The following BTBD16 variants were observed in gnomAD, a reference collection of about 807,000 sequenced individuals.
BTBD16 encodes BTB/POZ domain-containing protein 16.
In BTBD16, 66 loss-of-function variants were observed where a neutral mutation model predicts 67.4. That is an observed-to-expected ratio of 0.98 (90% CI 0.80 to 1.20). The LOEUF is 1.20. Among genes scored for constraint, BTBD16 ranks in the 50% most tolerant of loss-of-function variants. BTBD16 has a pLI of 0.00. For synonymous variants in BTBD16, 242 were observed against 236.4 expected, an observed-to-expected ratio of 1.02 and a Z score of -0.22; for missense variants, 634 against 616.0, an observed-to-expected ratio of 1.03 and a Z score of -0.31.
chr10:122,332,057 C>T (rs3887220), intron 12 of BTBD16: 116,449 of 183,132 alleles, frequency 0.64, 38,415 homozygotes, highest in East Asian at 0.96. Flanking sequence ...CCGCTGCCAA[C>T]GTCATCCTCT....
intron 10 of BTBD16, among the ~76,000 whole-genome samples, chr10:122,324,505 A>C (rs1162290005): frequency 6.6e-6 from 1 of 152,226 alleles, no homozygotes; most frequent in Non-Finnish European, 1.5e-5. Flanking sequence ...GAAACTGGGC[A>C]ACCCTGGTGT....
At chr10:122,329,312 A>G (rs1310359689) in intron 10 of BTBD16, among the ~76,000 whole-genome samples, 168 bp from the exon 11 acceptor site, 4 of 152,170 alleles carry the variant, frequency 2.6e-5, no homozygotes, top group African/African-American at 7.2e-5. Context: ...AATGTCGTCT[A>G]AGCCACCATC....
intron 3 of BTBD16, among the ~76,000 whole-genome samples, chr10:122,278,905 C>T (rs529472431): frequency 1.3e-5 from 2 of 152,318 alleles, no homozygotes; most frequent in Non-Finnish European, 2.9e-5. Context: ...GTGGGCTAGC[C>T]TGGGCACATG....
chr10:122,291,227 G>A lies in BTBD16; in HGVS notation c.590+33G>A, dbSNP rs114557428. 4.1e-3 allele frequency: 6,573 copies of A among 1,591,654 alleles called. 227 individuals are homozygous for A. The African/African-American group carries it at 0.079, about 19-fold the overall frequency. On this transcript the variant is annotated intron_variant, in intron 7 of 15. Coordinates refer to ENST00000260723, the MANE Select transcript of BTBD16 (RefSeq NM_144587.5). Reference sequence around the variant, plus strand: ...AACAAGGCTGACTTTGGGCAGGGCCGGGCCTGGGGGAAATCGGAAGGGCAA... The same window carrying A: ...AACAAGGCTGACTTTGGGCAGGGCCAGGCCTGGGGGAAATCGGAAGGGCAA...
intron 12 of BTBD16, among the ~76,000 whole-genome samples, chr10:122,331,699 T>C (rs1279425685): frequency 1.3e-5 from 2 of 152,238 alleles, no homozygotes; most frequent in Non-Finnish European, 2.9e-5. Flanking sequence ...ATTTCCCCTT[T>C]GTGAATTGTC....
intron 5 of BTBD16, among the ~76,000 whole-genome samples, chr10:122,288,356 T>G (rs2096367579): frequency 6.6e-6 from 1 of 152,098 alleles, no homozygotes; most frequent in East Asian, 1.9e-4. Flanking sequence ...CAGTGAGTAT[T>G]TACTCAGTGA....
rs1256187108 is a variant in BTBD16 at position 122,292,901 on chromosome 10, C to T, written c.590+1707C>T. On this transcript the variant is annotated intron_variant, in intron 7 of 15. Coordinates refer to ENST00000260723, the MANE Select transcript of BTBD16 (RefSeq NM_144587.5). Reference sequence around the variant, plus strand: ...AAGAGCATTTCTTAGAATTTCTCCTCCCTTTTTTGTGTGTCCTGTAATATT... The same window carrying T: ...AAGAGCATTTCTTAGAATTTCTCCTTCCTTTTTTGTGTGTCCTGTAATATT... Among the ~76,000 whole-genome samples the T allele has an allele frequency of 2.6e-5, 4 of 152,198 alleles. No homozygotes were observed. The South Asian group carries it at 6.2e-4, about 24-fold the overall frequency.
At chr10:122,316,932 C>T (rs1163849131) in intron 10 of BTBD16, among the ~76,000 whole-genome samples, 1 of 152,142 alleles carries the variant, frequency 6.6e-6, no homozygotes, top group East Asian at 1.9e-4. Context: ...GGATTACAGG[C>T]ATGTGTCAGT....
chr10:122,320,122 T>C (rs1033898669), intron 10 of BTBD16, among the ~76,000 whole-genome samples: 12 of 152,116 alleles, frequency 7.9e-5, no homozygotes, highest in African/African-American at 2.4e-4. Context: ...GGAATCTACA[T>C]AGGCAATCAT....
chr10:122,318,311 G>T (rs2096429753), intron 10 of BTBD16, among the ~76,000 whole-genome samples: 1 of 152,144 alleles, frequency 6.6e-6, no homozygotes, highest in African/African-American at 2.4e-5. Flanking sequence ...GTTGTTGCAT[G>T]TATCAGTAGG....
In BTBD16 at chr10:122,330,968, T is replaced by C. The variant is rs72828754; in HGVS notation, c.1004-208T>C. Among the ~76,000 whole-genome samples, 1,346 of 152,304 alleles carry C rather than the reference T, an allele frequency of 8.8e-3. 10 individuals carry two copies. The highest frequency in any genetic ancestry group is 0.013 in the Non-Finnish European group (867 of 68,028). On this transcript the variant is annotated intron_variant, in intron 11 of 15. Transcript: ENST00000260723. ...GTACGTTTTTAAAAGAGAATCGATT[T>C]GGAATATAAAAGTAATTGACTCTGA...
chr10:122,305,492 C>T (rs2096402082), intron 9 of BTBD16, among the ~76,000 whole-genome samples: 1 of 152,278 alleles, frequency 6.6e-6, no homozygotes, highest in East Asian at 1.9e-4. Context: ...CTTGCTCTCT[C>T]CTGCTCTTGC....
chr10:122,275,713 T>G (rs2096339144), intron 2 of BTBD16, among the ~76,000 whole-genome samples: 1 of 152,208 alleles, frequency 6.6e-6, no homozygotes, highest in African/African-American at 2.4e-5. Flanking sequence ...TCCCTCCTCG[T>G]GCTTTTTTCC....
chr10:122,325,087 A>G (rs1314498576), intron 10 of BTBD16, among the ~76,000 whole-genome samples: 1 of 152,186 alleles, frequency 6.6e-6, no homozygotes, highest in Admixed American at 6.5e-5. Context: ...AGATAGTGGC[A>G]TAGACTGGCC....
chr10:122,329,551 G>A lies in BTBD16; in HGVS notation c.983G>A (p.Arg328His), dbSNP rs747263313. 10 of 1,613,868 alleles carry A rather than the reference G, an allele frequency of 6.2e-6. No individual in the cohort carries two copies. In the East Asian group the frequency reaches 1.6e-4, roughly 25 times the overall value. The change falls in exon 11 of 16, where the codon CGT becomes CAT. Residue 328 changes from arginine (R) to histidine (H), a missense_variant. Physicochemically the swap from Arg to His is conservative, Grantham distance 29 (BLOSUM62 0). Coordinates refer to ENST00000260723, the MANE Select transcript of BTBD16 (RefSeq NM_144587.5). Reference sequence around the variant, plus strand: ...TTGAGGCCGCTCTTCCTCTGCTTGCGTCTGCACGGCATCACCAAAGGTAAG... The same window carrying A: ...TTGAGGCCGCTCTTCCTCTGCTTGCATCTGCACGGCATCACCAAAGGTAAG... ...RSLRPLFLCL[R>H]LHGITKGKDL...
chr10:122,332,848 C>T, intron 13 of BTBD16: 2 of 985,416 alleles, frequency 2.0e-6, no homozygotes, highest in South Asian at 9.4e-5. Flanking sequence ...CTTTCTATTT[C>T]CCACAAACAC....
intron 15 of BTBD16, among the ~76,000 whole-genome samples, chr10:122,337,108 T>C (rs1227631503): frequency 6.6e-6 from 1 of 152,228 alleles, no homozygotes; most frequent in African/African-American, 2.4e-5. Flanking sequence ...TCTACCTCAG[T>C]AGGTGGTTGC....
At chr10:122,306,041 C>T (rs906661890) in intron 9 of BTBD16, among the ~76,000 whole-genome samples, 15 of 152,110 alleles carry the variant, frequency 9.9e-5, no homozygotes, top group African/African-American at 2.4e-4. Flanking sequence ...ATAGTGTCCG[C>T]GGGCTTTAAA....
chr10:122,273,221 G>GATAGATAT (rs1034902866), intron 1 of BTBD16, among the ~76,000 whole-genome samples: 3 of 129,480 alleles, frequency 2.3e-5, no homozygotes, highest in African/African-American at 8.5e-5. Flanking sequence ...GCAACACAAA[G>GATAGATAT]ATATATATAT....
Sources: gnomAD v4.1 joint callset for allele counts (sites outside exome capture counted in the v4.1 genomes callset) on GRCh38, gnomAD v4.1.1 for gene constraint, MANE v1.5 for transcripts, NCBI Gene and HGNC (gene_info 2026-07-23, HGNC 2026-07-21) for gene names.